The following ABAT variants were observed in gnomAD, a reference collection of about 807,000 sequenced individuals.
The protein encoded by ABAT is 4-aminobutyrate aminotransferase.
A neutral mutation model predicts 64.6 loss-of-function variants in ABAT; 45 were observed. That is an observed-to-expected ratio of 0.70 (90% CI 0.55 to 0.89). ABAT has a LOEUF of 0.89. ABAT is among the 40% of genes least tolerant of loss of function. ABAT has a pLI of 0.00. For synonymous variants in ABAT, 297 were observed against 250.5 expected, an observed-to-expected ratio of 1.19 and a Z score of -1.75; for missense variants, 633 against 658.4, an observed-to-expected ratio of 0.96 and a Z score of 0.42.
At chr16:8,743,558 A>G (rs1304747006) in intron 2 of ABAT, among the ~76,000 whole-genome samples, 1 of 143,322 alleles carries the variant, frequency 7.0e-6, no homozygotes, top group African/African-American at 2.6e-5. Context: ...ATTATGTAAT[A>G]TATACTTTAG....
chr16:8,778,459 G>T (rs1464738946), intron 14 of ABAT, among the ~76,000 whole-genome samples: 1 of 152,134 alleles, frequency 6.6e-6, no homozygotes, highest in East Asian at 1.9e-4. Flanking sequence ...TCTGTCTCCA[G>T]ATTGTCTTCT....
intron 1 of ABAT, among the ~76,000 whole-genome samples, chr16:8,692,701 A>C (rs777727020): frequency 6.6e-6 from 1 of 152,220 alleles, no homozygotes; most frequent in African/African-American, 2.4e-5. Context: ...TGGGCTAGCT[A>C]TCTGCATTTC....
At chr16:8,769,990 AAAGAC>A (rs1268581766) in intron 11 of ABAT, among the ~76,000 whole-genome samples, 4 of 152,292 alleles carry the variant, frequency 2.6e-5, no homozygotes, top group African/African-American at 7.2e-5. Context: ...GGTAAATAGA[AAAGAC>A]AAGATAATGG....
intron 1 of ABAT, among the ~76,000 whole-genome samples, chr16:8,687,231 G>A (rs974862290): frequency 2.6e-5 from 4 of 152,146 alleles, no homozygotes; most frequent in African/African-American, 4.8e-5. Flanking sequence ...CTTGGGTCCC[G>A]CTCTTCCGGG....
intron 14 of ABAT, among the ~76,000 whole-genome samples, chr16:8,777,199 G>A (rs527807756): frequency 1.2e-4 from 18 of 152,214 alleles, no homozygotes; most frequent in African/African-American, 2.2e-4. Flanking sequence ...CACCGTGCCC[G>A]GCCCTGGTTA....
At chr16:8,775,165 G>GAC in intron 13 of ABAT, 108 bp downstream of exon 13, 1 of 1,469,698 alleles carries the variant, frequency 6.8e-7, no homozygotes, top group Non-Finnish European at 9.4e-7. Flanking sequence ...CACTTACTGG[G>GAC]TCGCAGGTTT....
rs774934344 is a variant in ABAT, at chr16:8,766,199, T to C, written c.541-9T>C. 9.9e-6 allele frequency: 16 copies of C among 1,613,602 alleles called. No individual in the cohort carries two copies. In the African/African-American group the frequency reaches 1.9e-4, roughly 19 times the overall value. On this transcript the variant is annotated splice_polypyrimidine_tract_variant and intron_variant, in intron 8 of 15. Coordinates refer to ENST00000268251, the MANE Select transcript of ABAT (RefSeq NM_020686.6). ...ATCTCTGAGATTTTGTTCTGTTCTA[T>C]TGTTTCAGAGCAAGGAAAGAGGGCA...
chr16:8,716,043 T>C (rs895126029), intron 1 of ABAT, among the ~76,000 whole-genome samples: 7 of 152,220 alleles, frequency 4.6e-5, no homozygotes. Context: ...CTGAAGATTT[T>C]CCAGTGCCCA....
rs374113959 is a variant in ABAT at position 8,764,148 on chromosome 16, C to A, written c.446C>A (p.Ser149Ter). The A allele has an allele frequency of 6.2e-7, 1 of 1,613,042 alleles. No individual in the cohort carries two copies. ...GAGAAGCTCCGGCAGTCCTTGCTCT[C>A]GGTGAGTTCTGGAGAAGCAATCCCA... ...FVEKLRQSLL[S>*]VAPKGMSQLI... Residue 149 changes from serine to a stop codon, truncating the protein, a stop_gained and splice_region_variant, in exon 7 of 16, where the codon TCG (serine) becomes TAG (stop). Transcript: ENST00000268251. LOFTEE classifies it high-confidence loss of function. This position sits in a 1 kb window ranked among gnomAD's most constrained non-coding sequence, Gnocchi z 4.2.
chr16:8,702,441 C>T (rs1347714986), intron 1 of ABAT, among the ~76,000 whole-genome samples: 3 of 152,040 alleles, frequency 2.0e-5, no homozygotes, highest in Non-Finnish European at 4.4e-5. Flanking sequence ...TTAGTAGAGA[C>T]AGTGTTTCAC....
intron 1 of ABAT, among the ~76,000 whole-genome samples, chr16:8,689,124 C>T (rs2057523948): frequency 6.7e-6 from 1 of 150,070 alleles, no homozygotes; most frequent in Admixed American, 6.6e-5. Context: ...GTTGTTTCTT[C>T]TATTATCTTC....
At position 8,764,783 on chromosome 16, in the gene ABAT, T is replaced by G. The variant is rs755177048; in HGVS notation, c.493T>G (p.Ser165Ala). 3.7e-6 allele frequency: 6 copies of G among 1,613,934 alleles called. No individual in the cohort carries two copies. Among genetic ancestry groups the G allele is most frequent in the Non-Finnish European group, 5.1e-6 (6 of 1,180,018 alleles). Residue 165 changes from serine (S) to alanine (A), a missense_variant, in exon 8 of 16, where the codon TCC becomes GCC. Transcript: ENST00000268251. The surrounding 1 kb of genome is among the most constrained non-coding windows in gnomAD (Gnocchi z 4.2). ...MSQLITMACG[S>A]CSNENALKTI... ...CCAGCTCATCACCATGGCCTGCGGC[T>G]CCTGCTCCAATGAAAACGCCTTAAA... is the stretch of plus-strand genomic sequence containing the variant.
At chr16:8,769,545 T>G (rs1596468074) in intron 11 of ABAT, among the ~76,000 whole-genome samples, 1 of 112,798 alleles carries the variant, frequency 8.9e-6, no homozygotes. Flanking sequence ...GGTAACGGAG[T>G]GAGACTCTGT....
intron 5 of ABAT, among the ~76,000 whole-genome samples, chr16:8,754,491 A>G (rs1365433012): frequency 6.6e-6 from 1 of 152,174 alleles, no homozygotes; most frequent in Admixed American, 6.5e-5. Context: ...CAGCGATTGC[A>G]TGTTCAAATT....
chr16:8,737,799 G>T (rs1044939859), intron 2 of ABAT, among the ~76,000 whole-genome samples: 1 of 150,040 alleles, frequency 6.7e-6, no homozygotes, highest in South Asian at 2.1e-4. Flanking sequence ...GTGGTGGCAG[G>T]CACCTGTAAT....
intron 2 of ABAT, among the ~76,000 whole-genome samples, chr16:8,737,949 A>AAAGGAAGAAAGGAAGGAAGG (rs2059005923): frequency 8.4e-5 from 2 of 23,692 alleles, no homozygotes; most frequent in Admixed American, 1.0e-3. Flanking sequence ...GGAAAGGAAG[A>AAAGGAAGAAAGGAAGGAAGG]AAGGAAGGAA....
chr16:8,710,242 G>T (rs1049420884), intron 1 of ABAT, among the ~76,000 whole-genome samples: 4 of 152,188 alleles, frequency 2.6e-5, no homozygotes, highest in Non-Finnish European at 5.9e-5. Flanking sequence ...CAAAATAGGT[G>T]CTCAAACACA....
At chr16:8,746,135 A>AG in intron 3 of ABAT, 37 bp downstream of exon 3, 1 of 1,537,786 alleles carries the variant, frequency 6.5e-7, no homozygotes, top group Non-Finnish European at 9.0e-7. Context: ...ATTTTGGAAA[A>AG]GGGAAAAAGG....
chr16:8,729,908 C>T (rs1405226308), intron 1 of ABAT, among the ~76,000 whole-genome samples: 1 of 151,796 alleles, frequency 6.6e-6, no homozygotes, highest in East Asian at 1.9e-4. Flanking sequence ...TGGCCCAGCC[C>T]TGTCTAGTCA....
Sources: gnomAD v4.1 joint callset for allele counts (sites outside exome capture counted in the v4.1 genomes callset) on GRCh38, gnomAD v4.1.1 for gene constraint, Gnocchi (gnomAD v3.1) non-coding constraint, MANE v1.5 for transcripts, NCBI Gene and HGNC (gene_info 2026-07-23, HGNC 2026-07-21) for gene names.